The following KCNQ1 variants were observed in gnomAD, a reference collection of about 807,000 sequenced individuals.
KCNQ1 encodes potassium voltage-gated channel subfamily Q member 1.
In KCNQ1, 49 loss-of-function variants were observed where a neutral mutation model predicts 72.4. That is an observed-to-expected ratio of 0.68 (90% CI 0.54 to 0.86). The LOEUF is 0.86. Ranked by LOEUF, KCNQ1 falls within the 40% of genes least tolerant of loss-of-function variation. KCNQ1 has a pLI of 0.00. For synonymous variants in KCNQ1, 450 were observed against 412.6 expected, an observed-to-expected ratio of 1.09 and a Z score of -1.10; for missense variants, 790 against 945.1, an observed-to-expected ratio of 0.84 and a Z score of 2.15.
intron 15 of KCNQ1, among the ~76,000 whole-genome samples, chr11:2,837,473 C>G (rs1017833700): frequency 6.6e-6 from 1 of 152,246 alleles, no homozygotes; most frequent in Non-Finnish European, 1.5e-5. Flanking sequence ...TCCCCGGCCC[C>G]TCCCTGCTCG....
intron 15 of KCNQ1, among the ~76,000 whole-genome samples, chr11:2,802,625 A>G (rs1010121304): frequency 6.6e-6 from 1 of 152,178 alleles, no homozygotes; most frequent in African/African-American, 2.4e-5. Context: ...CCAGACCCCA[A>G]GGCTTAGTGG....
rs774269740 is a variant in KCNQ1, at chr11:2,566,893, G to A, written c.478-3735G>A. Among the ~76,000 whole-genome samples the A allele has an allele frequency of 8.6e-5, 13 of 151,280 alleles. No homozygotes were observed. The highest frequency in any genetic ancestry group is 1.9e-4 in the Non-Finnish European group (13 of 67,878). ...GGGAGTCAGGAAGTACCCCGGTTCTGTACCTGTAGTGGATGGGGCTCTCAG... is the reference window on the plus strand; with the variant it reads ...GGGAGTCAGGAAGTACCCCGGTTCTATACCTGTAGTGGATGGGGCTCTCAG... On this transcript the variant is annotated intron_variant, in intron 2 of 15. Coordinates refer to ENST00000155840, the MANE Select transcript of KCNQ1 (RefSeq NM_000218.3). This position sits in a 1 kb window ranked among gnomAD's most constrained non-coding sequence, Gnocchi z 6.7.
intron 2 of KCNQ1, among the ~76,000 whole-genome samples, chr11:2,553,616 C>T (rs1223252656): frequency 2.6e-5 from 4 of 152,148 alleles, no homozygotes; most frequent in Non-Finnish European, 5.9e-5. Context: ...GCAAAGCAAA[C>T]TTGCTTCCCT....
At chr11:2,470,918 C>G (rs1448575222) in intron 1 of KCNQ1, among the ~76,000 whole-genome samples, 1 of 152,090 alleles carries the variant, frequency 6.6e-6, no homozygotes, top group Admixed American at 6.6e-5. Context: ...TTCCCTAAAC[C>G]AAGGGCACAG....
rs1846248465 is a variant in KCNQ1 at position 2,752,911 on chromosome 11, A to G, written c.1515-15933A>G. Among the ~76,000 whole-genome samples, 1 of 151,942 alleles carries G rather than the reference A, an allele frequency of 6.6e-6. No individual in the cohort carries two copies. The highest frequency in any genetic ancestry group is 2.4e-5 in the African/African-American group (1 of 41,350). ...CCACCTCTCCCGAGGATCCTCGCAC[A>G]ATTTCACTGCCAGCCAGGAAGGTCT... On this transcript the variant is annotated intron_variant, in intron 11 of 15. Coordinates refer to ENST00000155840, the MANE Select transcript of KCNQ1 (RefSeq NM_000218.3). This position sits in a 1 kb window ranked among gnomAD's most constrained non-coding sequence, Gnocchi z 5.2.
intron 2 of KCNQ1, among the ~76,000 whole-genome samples, chr11:2,552,720 G>A (rs568695033): frequency 1.8e-3 from 277 of 150,160 alleles, no homozygotes; most frequent in African/African-American, 6.7e-3. Context: ...CCTCATGCAC[G>A]TCTTAGTAAT....
intron 10 of KCNQ1, chr11:2,641,102 T>C (rs1439912582): frequency 7.5e-6 from 3 of 398,410 alleles, no homozygotes; most frequent in Non-Finnish European, 8.8e-6. Context: ...ATATCTTTGC[T>C]GTTGTGAATA....
At chr11:2,789,699 C>A (rs1381566136) in intron 15 of KCNQ1, among the ~76,000 whole-genome samples, 3 of 152,234 alleles carry the variant, frequency 2.0e-5, no homozygotes, top group Non-Finnish European at 2.9e-5. Context: ...GGCACTGGGA[C>A]CACCGTGGGC....
At chr11:2,587,450 C>G in intron 8 of KCNQ1, 120 bp from the exon 9 acceptor site, 1 of 1,438,844 alleles carries the variant, frequency 7.0e-7, no homozygotes, top group South Asian at 1.2e-5. Flanking sequence ...AGGTCCCAGA[C>G]CCTGCCACCC....
At position 2,658,892 on chromosome 11, in the gene KCNQ1, G is replaced by C; in HGVS notation, c.1394-3069G>C. 1 of 398,098 alleles carries C rather than the reference G, an allele frequency of 2.5e-6. No individual in the cohort carries two copies. The allele number at this position is 398,098 out of a possible 1,614,324, so 24.7% of individuals were successfully genotyped here. On this transcript the variant is annotated intron_variant, in intron 10 of 15. Coordinates refer to ENST00000155840, the MANE Select transcript of KCNQ1 (RefSeq NM_000218.3). The surrounding 1 kb of genome is among the most constrained non-coding windows in gnomAD (Gnocchi z 4.9). ...ATTTACTTATTTGTGTAACCCTATTGTACACGTAGTACCCTATGTGAAGCA... is the reference window on the plus strand; with the variant it reads ...ATTTACTTATTTGTGTAACCCTATTCTACACGTAGTACCCTATGTGAAGCA...
chr11:2,608,233 G>C lies in KCNQ1; in HGVS notation c.1393+19379G>C. ...AGATATTTGTTAGATTCACTCATCT[G>C]GCCCTCTTGGGCTTTTCTTTTCAAC... is the stretch of plus-strand genomic sequence containing the variant. On this transcript the variant is annotated intron_variant, in intron 10 of 15. Coordinates refer to ENST00000155840, the MANE Select transcript of KCNQ1 (RefSeq NM_000218.3). The surrounding 1 kb of genome is among the most constrained non-coding windows in gnomAD (Gnocchi z 4.6). 2.5e-6 allele frequency: 1 copy of C among 395,820 alleles called. No homozygotes were observed. Among genetic ancestry groups the C allele is most frequent in the Non-Finnish European group, 4.4e-6 (1 of 224,882 alleles). 24.5% of individuals were successfully genotyped at this position (395,820 alleles called of 1,614,324 possible).
At chr11:2,501,373 A>G (rs536196864) in intron 1 of KCNQ1, among the ~76,000 whole-genome samples, 19 of 152,172 alleles carry the variant, frequency 1.2e-4, no homozygotes, top group Non-Finnish European at 1.9e-4. Context: ...AGAAATTCAA[A>G]GGATAATTAG....
At position 2,668,612 on chromosome 11, in the gene KCNQ1, C is replaced by T; in HGVS notation, c.1514+6531C>T. On this transcript the variant is annotated intron_variant, in intron 11 of 15. Coordinates refer to ENST00000155840, the MANE Select transcript of KCNQ1 (RefSeq NM_000218.3). The surrounding 1 kb of genome is among the most constrained non-coding windows in gnomAD (Gnocchi z 4.3). ...ATCATTCTGTATAAATTGCCTACAT[C>T]TTCTGCCTGTTTTATGTTTATTTAT... 2.5e-6 allele frequency: 1 copy of T among 398,586 alleles called. No individual in the cohort carries two copies. Among genetic ancestry groups the T allele is most frequent in the Non-Finnish European group, 4.4e-6 (1 of 226,060 alleles). The allele number at this position is 398,586 out of a possible 1,614,324, so 24.7% of individuals were successfully genotyped here.
chr11:2,648,981 C>CTTTTTTCTTTTTTTTTTTT (rs1849710956), intron 10 of KCNQ1: 3 of 213,302 alleles, frequency 1.4e-5, no homozygotes, highest in African/African-American at 4.4e-5. Flanking sequence ...TTTTCTTTTT[C>CTTTTTTCTTTTTTTTTTTT]TTTTTTTTTT....
chr11:2,844,919 C>G (rs910991074), intron 15 of KCNQ1, among the ~76,000 whole-genome samples: 1 of 152,268 alleles, frequency 6.6e-6, no homozygotes, highest in African/African-American at 2.4e-5. Flanking sequence ...TCGTTCCACA[C>G]TACCAGTATG....
rs960179429 is a variant in KCNQ1 at position 2,726,000 on chromosome 11, C to T, written c.1515-42844C>T. Among the ~76,000 whole-genome samples, 4 of 152,256 alleles carry T rather than the reference C, an allele frequency of 2.6e-5. No individual in the cohort carries two copies. The highest frequency in any genetic ancestry group is 1.5e-5 in the Non-Finnish European group (1 of 68,046). On this transcript the variant is annotated intron_variant, in intron 11 of 15. Coordinates refer to ENST00000155840, the MANE Select transcript of KCNQ1 (RefSeq NM_000218.3). The surrounding 1 kb of genome is among the most constrained non-coding windows in gnomAD (Gnocchi z 7.2). ...GCCAAGAAAAACAGCAGGCTAAAGA[C>T]CCCTGATTTCTTCATGAATTCCAGA...
At position 2,674,672 on chromosome 11, in the gene KCNQ1, G is replaced by C; in HGVS notation, c.1514+12591G>C. The C allele has an allele frequency of 2.5e-6, 1 of 398,468 alleles. No homozygotes were observed. 24.7% of individuals were successfully genotyped at this position (398,468 alleles called of 1,614,324 possible). A position where few individuals can be genotyped will look rare whatever the true frequency, so the allele number is the denominator to read the frequency against. ...GCCAGAACTTTTTGCAAAATAATTT[G>C]AAAAGTTTGTTGAACCTTAAACCTT... On this transcript the variant is annotated intron_variant, in intron 11 of 15. Transcript: ENST00000155840. This position sits in a 1 kb window ranked among gnomAD's most constrained non-coding sequence, Gnocchi z 5.9.
In KCNQ1 at chr11:2,620,210, T is replaced by G; in HGVS notation, c.1393+31356T>G. 1 of 300,476 alleles carries G rather than the reference T, an allele frequency of 3.3e-6. No homozygotes were observed. Among genetic ancestry groups the G allele is most frequent in the South Asian group, 1.7e-4 (1 of 5,844 alleles). 18.6% of individuals were successfully genotyped at this position (300,476 alleles called of 1,614,324 possible). ...GTAAGTTCATTCATGTATATATATATATTTTTTTTTTTTATTTTTTTTTTA... is the reference window on the plus strand; with the variant it reads ...GTAAGTTCATTCATGTATATATATAGATTTTTTTTTTTTATTTTTTTTTTA... On this transcript the variant is annotated intron_variant, in intron 10 of 15. Transcript: ENST00000155840. The surrounding 1 kb of genome is among the most constrained non-coding windows in gnomAD (Gnocchi z 4.5).
In KCNQ1 at chr11:2,720,789, T is replaced by G. The variant is rs1339380611; in HGVS notation, c.1515-48055T>G. On this transcript the variant is annotated intron_variant, in intron 11 of 15. Transcript: ENST00000155840. This position sits in a 1 kb window ranked among gnomAD's most constrained non-coding sequence, Gnocchi z 5.1. Reference sequence around the variant, plus strand: ...TCTCAGCCAATGGGAAGTCGTGCCCTTGGATCATTTGGGGCAAATGGTCCT... The same window carrying G: ...TCTCAGCCAATGGGAAGTCGTGCCCGTGGATCATTTGGGGCAAATGGTCCT... Among the ~76,000 whole-genome samples the G allele has an allele frequency of 6.6e-6, 1 of 152,194 alleles. No individual in the cohort carries two copies. Among genetic ancestry groups the G allele is most frequent in the Non-Finnish European group, 1.5e-5 (1 of 68,030 alleles).
Sources: allele counts gnomAD v4.1 joint callset (sites outside exome capture counted in the v4.1 genomes callset), GRCh38; gene constraint gnomAD v4.1.1; non-coding constraint Gnocchi (gnomAD v3.1); transcripts MANE v1.5; gene names NCBI Gene and HGNC (gene_info 2026-07-23, HGNC 2026-07-21).